The following TEX14 variants were observed in gnomAD, a reference collection of about 807,000 sequenced individuals.
TEX14 encodes the protein testis expressed 14, intercellular bridge forming factor.
A neutral mutation model predicts 178.6 loss-of-function variants in TEX14; 168 were observed. That is an observed-to-expected ratio of 0.94 (90% confidence interval 0.83 to 1.07). TEX14 has a LOEUF of 1.07. Ranked by LOEUF, TEX14 falls within the 50% of genes least tolerant of loss-of-function variation. The probability of loss-of-function intolerance (pLI) is 0.00; values close to 1 mark genes in which losing one functional copy is unlikely to be tolerated. For missense variants in TEX14, 1,730 were observed against 1,753.6 expected (o/e 0.99, Z 0.24); for synonymous variants, 626 against 634.1 (o/e 0.99, Z 0.19).
intron 1 of TEX14, among the ~76,000 whole-genome samples, chr17:58,677,119 C>CAAAAA (rs35953337): frequency 5.1e-5 from 4 of 78,660 alleles, no homozygotes; most frequent in Admixed American, 1.6e-4. Flanking sequence ...AACTCCGTCT[C>CAAAAA]AAAAAAAAAA....
intron 1 of TEX14, among the ~76,000 whole-genome samples, chr17:58,658,799 AT>A (rs113265678): frequency 0.013 from 1,881 of 147,572 alleles, 26 homozygotes; most frequent in African/African-American, 0.033. Context: ...AGACCCAGGA[AT>A]TTTTTTTTTT....
At chr17:58,668,215 G>C (rs1297525032) in intron 1 of TEX14, among the ~76,000 whole-genome samples, 5 of 152,092 alleles carry the variant, frequency 3.3e-5, no homozygotes, top group Non-Finnish European at 7.3e-5. Context: ...CTGCTCCTTG[G>C]CTACAAATTC....
Position 58,561,579 on chromosome 17 carries a change from T to A in TEX14, c.4098A>T (p.Arg1366Ser). 6.2e-7 allele frequency: 1 copy of A among 1,613,890 alleles called. No individual in the cohort carries two copies. The highest frequency in any genetic ancestry group is 8.5e-7 in the Non-Finnish European group (1 of 1,179,750). Reference sequence around the variant, plus strand: ...CGCTCTCCTCAGGTGGCTGCAGCCATCTTTCCAGGTCCTCATCCAGAGTAG... The same window carrying A: ...CGCTCTCCTCAGGTGGCTGCAGCCAACTTTCCAGGTCCTCATCCAGAGTAG... The part of the protein sequence containing the change: ...AHSTLDEDLE[R>S]WLQPPEESVE... Residue 1366 changes from arginine to serine, a missense_variant, in exon 29 of 32, where the codon AGA becomes AGT. Transcript: ENST00000349033.
At chr17:58,564,698 C>CA (rs1454215164) in intron 28 of TEX14, among the ~76,000 whole-genome samples, 171 bp downstream of exon 28, 1 of 151,442 alleles carries the variant, frequency 6.6e-6, no homozygotes, top group Non-Finnish European at 1.5e-5. Flanking sequence ...ATTTTTAAAG[C>CA]AAAAAAAGCA....
chr17:58,573,251 A>G lies in TEX14; in HGVS notation c.3441T>C (p.Phe1147=), dbSNP rs2044584195. The change falls in exon 23 of 32, where the codon TTT becomes TTC. Residue 1147 remains phenylalanine (F), a synonymous_variant. Transcript: ENST00000349033. ...SSISYEPDSS[F]KEASCKTPKI... is the part of the protein sequence containing the mutation. ...TGGGTGTTTTGCATGAAGCTTCCTT[A>G]AAAGAGCTGTCTGGTTCATAGGAGA... is the stretch of plus-strand genomic sequence containing the variant. The G allele has an allele frequency of 6.2e-7, 1 of 1,614,020 alleles. No individual in the cohort carries two copies. Among genetic ancestry groups the G allele is most frequent in the Admixed American group, 1.7e-5 (1 of 60,006 alleles).
intron 11 of TEX14, among the ~76,000 whole-genome samples, chr17:58,604,205 G>A (rs1371532078): frequency 6.6e-6 from 1 of 151,744 alleles, no homozygotes; most frequent in African/African-American, 2.4e-5. Context: ...GGGCGTGGTG[G>A]CTCACACCTG....
chr17:58,660,754 T>C (rs553987732), intron 1 of TEX14: 9 of 781,320 alleles, frequency 1.2e-5, no homozygotes, highest in South Asian at 6.7e-5. Flanking sequence ...CCTGATCTGG[T>C]AACACTCCAT....
At chr17:58,650,856 T>C (rs943888263) in intron 2 of TEX14, among the ~76,000 whole-genome samples, 14 of 152,322 alleles carry the variant, frequency 9.2e-5, no homozygotes, top group Admixed American at 8.5e-4. Flanking sequence ...AGGAATGCTA[T>C]TGAAGCAAGT....
chr17:58,676,868 C>T (rs752630073), intron 1 of TEX14, among the ~76,000 whole-genome samples: 11 of 152,030 alleles, frequency 7.2e-5, no homozygotes, highest in African/African-American at 1.9e-4. Context: ...GGGTGGCTCA[C>T]GCCTGTAATC....
intron 5 of TEX14, among the ~76,000 whole-genome samples, chr17:58,618,358 G>T (rs1007375859): frequency 6.6e-6 from 1 of 152,180 alleles, no homozygotes. Flanking sequence ...AAACTTGCTG[G>T]CCTGAGGTCA....
chr17:58,657,014 G>A (rs1021594174), intron 1 of TEX14, among the ~76,000 whole-genome samples: 1 of 149,714 alleles, frequency 6.7e-6, no homozygotes, highest in African/African-American at 2.5e-5. Flanking sequence ...TTGCTACATT[G>A]CCCAGGCTGG....
chr17:58,584,543 T>C lies in TEX14; in HGVS notation c.3128A>G (p.Gln1043Arg). ...AGCCACCAATGTGTCAGAACTTGCT[T>C]GGAAGGCTTCACTATGCTCTGGTTG... ...KEQPEHSEAF[Q>R]ASSDTLVAVE... The change falls in exon 19 of 32, where the codon CAA becomes CGA. Residue 1043 changes from glutamine (Q) to arginine (R), a missense_variant. Transcript: ENST00000349033. 1 of 1,614,200 alleles carries C rather than the reference T, an allele frequency of 6.2e-7. No individual in the cohort carries two copies. The highest frequency in any genetic ancestry group is 8.5e-7 in the Non-Finnish European group (1 of 1,180,032).
intron 3 of TEX14, among the ~76,000 whole-genome samples, chr17:58,624,488 C>A (rs1006045354): frequency 2.1e-4 from 32 of 151,462 alleles, no homozygotes; most frequent in Admixed American, 2.0e-3. Flanking sequence ...TTATAGGTGC[C>A]CGCCACCCAT....
chr17:58,581,834 GCAGT>G, intron 19 of TEX14: 3 of 1,289,980 alleles, frequency 2.3e-6, no homozygotes, highest in Non-Finnish European at 3.2e-6. Context: ...ACACTACCCA[GCAGT>G]CAGTGTGACA....
chr17:58,670,152 G>A (rs2047280406), intron 1 of TEX14, among the ~76,000 whole-genome samples: 4 of 152,170 alleles, frequency 2.6e-5, no homozygotes, highest in African/African-American at 9.7e-5. Context: ...CATAGTAAGA[G>A]TCCTTTAATT....
In TEX14 at chr17:58,627,181, T is replaced by C. The variant is rs1179867565; in HGVS notation, c.251+3259A>G. Among the ~76,000 whole-genome samples the C allele has an allele frequency of 2.0e-5, 3 of 152,314 alleles. No homozygotes were observed. The East Asian group carries it at 5.8e-4, about 29-fold the overall frequency. Reference sequence around the variant, plus strand: ...CTGGGCTCCTTCCTGATCTCAGCTGTGTCATTAATACTATGTACCATATTA... The same window carrying C: ...CTGGGCTCCTTCCTGATCTCAGCTGCGTCATTAATACTATGTACCATATTA... On this transcript the variant is annotated intron_variant, in intron 3 of 31. Transcript: ENST00000349033.
intron 26 of TEX14, 146 bp from the exon 27 acceptor site, chr17:58,565,970 C>T (rs993126693): frequency 9.5e-6 from 6 of 632,916 alleles, no homozygotes; most frequent in Non-Finnish European, 1.7e-5. Context: ...ATTCTCAGGC[C>T]TCATCTCAGA....
chr17:58,612,783 C>CAGGTGCA (rs2045778663), intron 9 of TEX14, among the ~76,000 whole-genome samples: 2 of 150,724 alleles, frequency 1.3e-5, no homozygotes, highest in Non-Finnish European at 2.9e-5. Context: ...TGGCATGCAC[C>CAGGTGCA]TGTAGTCTCA....
At chr17:58,640,010 C>G (rs947031575) in intron 2 of TEX14, among the ~76,000 whole-genome samples, 1 of 152,054 alleles carries the variant, frequency 6.6e-6, no homozygotes, top group Non-Finnish European at 1.5e-5. Flanking sequence ...TGCTGGTATA[C>G]ATAATGGTAA....
Sources: allele counts gnomAD v4.1 joint callset (sites outside exome capture counted in the v4.1 genomes callset), GRCh38; gene constraint gnomAD v4.1.1; transcripts MANE v1.5; gene names NCBI Gene and HGNC (gene_info 2026-07-23, HGNC 2026-07-21).